The following PCDHGB3 variants were observed in gnomAD, a reference collection of about 807,000 sequenced individuals.
PCDHGB3 encodes the protein protocadherin gamma subfamily B, 3, also known as protocadherin gamma-B3.
A neutral mutation model predicts 59.2 loss-of-function variants in PCDHGB3; 40 were observed. That is an observed-to-expected ratio of 0.68 (90% CI 0.52 to 0.88). The LOEUF is 0.88. PCDHGB3 is among the 40% of genes least tolerant of loss of function. The probability of loss-of-function intolerance (pLI) is 0.00; values close to 1 mark genes in which losing one functional copy is unlikely to be tolerated. For synonymous variants in PCDHGB3, 581 were observed against 503.6 expected, an observed-to-expected ratio of 1.15 and a Z score of -2.06; for missense variants, 1,309 against 1,187.9, an observed-to-expected ratio of 1.10 and a Z score of -1.50.
chr5:141,459,503 A>T (rs1346447458), intron 1 of PCDHGB3, among the ~76,000 whole-genome samples: 1 of 152,242 alleles, frequency 6.6e-6, no homozygotes, highest in Non-Finnish European at 1.5e-5. Flanking sequence ...AGTGATGTGA[A>T]CAATCATGTA....
At chr5:141,427,940 C>T (rs1391166364) in intron 1 of PCDHGB3, 1 of 1,585,904 alleles carries the variant, frequency 6.3e-7, no homozygotes. Context: ...TGGTGGGCGA[C>T]CTCAATGACA....
intron 1 of PCDHGB3, chr5:141,382,939 T>G: frequency 6.3e-7 from 1 of 1,594,910 alleles, no homozygotes; most frequent in Non-Finnish European, 8.6e-7. Context: ...CAGAGGATTC[T>G]TCCTGCTCTC....
Position 141,371,209 on chromosome 5 carries a change from G to A in PCDHGB3, c.815G>A (p.Gly272Asp), listed in dbSNP as rs143352621. 154 of 1,614,006 alleles carry A rather than the reference G, an allele frequency of 9.5e-5. No individual in the cohort carries two copies. The African/African-American group carries it at 1.8e-3, about 19-fold the overall frequency. ...LKVMAIDMDE[G>D]INAEIIYAFI... ...GTGATGGCCATTGACATGGATGAGG[G>A]CATCAATGCCGAAATCATCTATGCC... Residue 272 changes from glycine to aspartate, a missense_variant, in exon 1 of 4, where the codon GGC becomes GAC. Transcript: ENST00000576222.
At chr5:141,413,132 A>G in intron 1 of PCDHGB3, 1 of 1,542,144 alleles carries the variant, frequency 6.5e-7, no homozygotes, top group Non-Finnish European at 8.7e-7. Context: ...GAAACACACA[A>G]CGTGTCCAGT....
At chr5:141,376,632 T>G (rs1399941658) in intron 1 of PCDHGB3, 5 of 1,296,946 alleles carry the variant, frequency 3.9e-6, no homozygotes, top group Non-Finnish European at 5.2e-6. Flanking sequence ...GGAAGATTCG[T>G]GATTTTGTAA....
chr5:141,375,266 GA>G (rs1771293151), intron 1 of PCDHGB3: 1 of 1,613,846 alleles, frequency 6.2e-7, no homozygotes. Flanking sequence ...ATTTGAATTG[GA>G]AAAATCAGTT....
chr5:141,393,571 A>G, intron 1 of PCDHGB3: 4 of 1,613,974 alleles, frequency 2.5e-6, no homozygotes, highest in Non-Finnish European at 3.4e-6. Flanking sequence ...AAAGTCCTTG[A>G]GAACATGCCC....
intron 1 of PCDHGB3, among the ~76,000 whole-genome samples, chr5:141,425,025 T>C (rs1416166875): frequency 1.3e-5 from 2 of 152,236 alleles, no homozygotes; most frequent in Non-Finnish European, 2.9e-5. Flanking sequence ...ATTTACCTTA[T>C]GTCATTAGTT....
At chr5:141,423,395 C>G (rs1249200485) in intron 1 of PCDHGB3, 1 of 1,614,060 alleles carries the variant, frequency 6.2e-7, no homozygotes, top group Non-Finnish European at 8.5e-7. Context: ...TGGCATAAGT[C>G]ACGCCTGCTG....
At chr5:141,415,081 C>T in intron 1 of PCDHGB3, 1 of 1,613,522 alleles carries the variant, frequency 6.2e-7, no homozygotes, top group Non-Finnish European at 8.5e-7. Context: ...GGCGCGAGCC[C>T]TGCTGGACAG....
chr5:141,464,572 A>G (rs912710973), intron 1 of PCDHGB3, among the ~76,000 whole-genome samples: 5 of 152,148 alleles, frequency 3.3e-5, no homozygotes, highest in African/African-American at 1.2e-4. Flanking sequence ...CTACAAATAG[A>G]TGAGAATGTC....
In PCDHGB3 at chr5:141,491,607, T is replaced by G; in HGVS notation, c.2416-3200T>G. On this transcript the variant is annotated intron_variant, in intron 1 of 3. Coordinates refer to ENST00000576222, the MANE Select transcript of PCDHGB3 (RefSeq NM_018924.5). The surrounding 1 kb of genome is among the most constrained non-coding windows in gnomAD (Gnocchi z 6.9). ...CCTCGGACGGCAGTGACTTCACTTT[T>G]CTAAGACCCCTCAGCGTTCAGCAGC... 6.2e-7 allele frequency: 1 copy of G among 1,613,932 alleles called. No homozygotes were observed. The highest frequency in any genetic ancestry group is 1.1e-5 in the South Asian group (1 of 91,084).
chr5:141,403,853 A>G (rs765359583), intron 1 of PCDHGB3: 3 of 1,613,726 alleles, frequency 1.9e-6, no homozygotes, highest in Non-Finnish European at 2.5e-6. Context: ...TACTGGGGAA[A>G]TATCAACAGC....
rs766133958 is a variant in PCDHGB3, at chr5:141,403,000, A to G, written c.2415+30191A>G. 27 of 1,613,862 alleles carry G rather than the reference A, an allele frequency of 1.7e-5. No individual in the cohort carries two copies. Among genetic ancestry groups the G allele is most frequent in the Middle Eastern group, 1.6e-4 (1 of 6,082 alleles). ...AGCTCCGCGGAAGATTAGTCCTGCT[A>G]TGCTCGCTCCTGGGGATGCTATGGG... On this transcript the variant is annotated intron_variant, in intron 1 of 3. Transcript: ENST00000576222.
In PCDHGB3 at chr5:141,490,028, G is replaced by A. The variant is rs752883792; in HGVS notation, c.2416-4779G>A. ...GCACCCATTGGTACTCTGCTGCTCC[G>A]CCTCAATGCCACTGATCCAGACGAG... On this transcript the variant is annotated intron_variant, in intron 1 of 3. Coordinates refer to ENST00000576222, the MANE Select transcript of PCDHGB3 (RefSeq NM_018924.5). The surrounding 1 kb of genome is among the most constrained non-coding windows in gnomAD (Gnocchi z 5.4). 20 of 1,614,070 alleles carry A rather than the reference G, an allele frequency of 1.2e-5. 1 individual carries two copies. Among genetic ancestry groups the A allele is most frequent in the South Asian group, 3.3e-5 (3 of 91,090 alleles).
At chr5:141,478,329 C>T (rs1295950117) in intron 1 of PCDHGB3, 1 of 1,613,982 alleles carries the variant, frequency 6.2e-7, no homozygotes, top group African/African-American at 1.3e-5. Context: ...TACCGAACAC[C>T]AGGGCCCTCC....
At chr5:141,389,330 C>A in intron 1 of PCDHGB3, 2 of 1,614,000 alleles carry the variant, frequency 1.2e-6, no homozygotes, top group Non-Finnish European at 1.7e-6. Context: ...TGGGGCCCAA[C>A]GGCCAAGTCT....
Position 141,371,783 on chromosome 5 carries a change from G to C in PCDHGB3, c.1389G>C (p.Glu463Asp), listed in dbSNP as rs1396118548. The C allele has an allele frequency of 6.2e-7, 1 of 1,613,986 alleles. No homozygotes were observed. The change falls in exon 1 of 4, where the codon GAG becomes GAC. Residue 463 changes from glutamate (E) to aspartate (D), a missense_variant. Transcript: ENST00000576222. Reference sequence around the variant, plus strand: ...CCTCCTACACCGTGCATGTAGCTGAGAACAATCCGCCTGGAGCCTCCATTG... The same window carrying C: ...CCTCCTACACCGTGCATGTAGCTGACAACAATCCGCCTGGAGCCTCCATTG... ...HQASYTVHVA[E>D]NNPPGASIAH...
At chr5:141,388,438 A>C in intron 1 of PCDHGB3, 4 of 1,613,906 alleles carry the variant, frequency 2.5e-6, no homozygotes, top group Non-Finnish European at 3.4e-6. Flanking sequence ...AATAAAGAGA[A>C]ATCAGATGGC....
Sources: gnomAD v4.1 joint callset for allele counts (sites outside exome capture counted in the v4.1 genomes callset) on GRCh38, gnomAD v4.1.1 for gene constraint, Gnocchi (gnomAD v3.1) non-coding constraint, MANE v1.5 for transcripts, NCBI Gene and HGNC (gene_info 2026-07-23, HGNC 2026-07-21) for gene names.